LDLRAD4: variants seen among roughly 807,000 people sequenced by gnomAD.
The protein encoded by LDLRAD4 is low density lipoprotein receptor class A domain containing 4.
Under a neutral mutation model 17.0 loss-of-function variants are expected in LDLRAD4, and 5 were observed. That is an observed-to-expected ratio of 0.29 (90% CI 0.15 to 0.62). LDLRAD4 has a LOEUF of 0.62. Ranked by LOEUF, LDLRAD4 falls within the 20% of genes least tolerant of loss-of-function variation. The pLI, the probability that LDLRAD4 is intolerant of heterozygous loss-of-function variation, is 0.84. For missense variants in LDLRAD4, 340 were observed against 424.7 expected (o/e 0.80, Z 1.75); for synonymous variants, 168 against 171.8 (o/e 0.98, Z 0.17).
At chr18:13,551,639 G>A (rs2094436127) in intron 3 of LDLRAD4, among the ~76,000 whole-genome samples, 1 of 152,028 alleles carries the variant, frequency 6.6e-6, no homozygotes, top group Non-Finnish European at 1.5e-5. Flanking sequence ...GTAGGAGGGC[G>A]GCCAACAGGG....
intron 3 of LDLRAD4, among the ~76,000 whole-genome samples, chr18:13,464,408 C>T (rs980790065): frequency 3.3e-5 from 5 of 152,216 alleles, no homozygotes; most frequent in African/African-American, 1.2e-4. Flanking sequence ...TAGAATTAGG[C>T]ATTGCATATT....
At chr18:13,616,440 T>A (rs908929826) in intron 3 of LDLRAD4, among the ~76,000 whole-genome samples, 3 of 152,112 alleles carry the variant, frequency 2.0e-5, no homozygotes, top group African/African-American at 7.2e-5. Context: ...CTGAAGAGAG[T>A]ACAATGCTCA....
intron 3 of LDLRAD4, among the ~76,000 whole-genome samples, chr18:13,564,130 T>C (rs958769551): frequency 6.6e-6 from 1 of 152,244 alleles, no homozygotes; most frequent in Non-Finnish European, 1.5e-5. Flanking sequence ...AGTCTTGAAC[T>C]CCTGGCCTCC....
chr18:13,422,103 G>A (rs1007786218), intron 2 of LDLRAD4, among the ~76,000 whole-genome samples: 2 of 152,220 alleles, frequency 1.3e-5, no homozygotes, highest in Non-Finnish European at 2.9e-5. Context: ...TGAATTAATA[G>A]CAATTTTTGG....
At position 13,320,342 on chromosome 18, in the gene LDLRAD4, C is replaced by T. The variant is rs538732064; in HGVS notation, c.-383+42154C>T. Among the ~76,000 whole-genome samples, 8 of 152,294 alleles carry T rather than the reference C, an allele frequency of 5.3e-5. No homozygotes were observed. In the South Asian group the frequency reaches 1.0e-3, roughly 20 times the overall value. On this transcript the variant is annotated intron_variant, in intron 1 of 5. Transcript: ENST00000359446. ...ATCTGTTGCCTTTTCTTTATTTTTA[C>T]GTTTCCGCTGCCTCTCATCTAGGAA...
rs1327311716 is a variant in LDLRAD4, at chr18:13,621,766, GA to G, written c.336+496del. Among the ~76,000 whole-genome samples the G allele has an allele frequency of 1.3e-5, 2 of 152,098 alleles. No homozygotes were observed. The highest frequency in any genetic ancestry group is 2.9e-5 in the Non-Finnish European group (2 of 68,004). On this transcript the variant is annotated intron_variant, in intron 4 of 5. Coordinates refer to ENST00000359446, the Ensembl canonical transcript of LDLRAD4. This position sits in a 1 kb window ranked among gnomAD's most constrained non-coding sequence, Gnocchi z 5.5. ...GGACGCCTGGAGCTTAAGGCCTCGGGAGCTTCCTGGGGATCGGCGGTGGGGT... is the reference window on the plus strand; with the variant it reads ...GGACGCCTGGAGCTTAAGGCCTCGGGGCTTCCTGGGGATCGGCGGTGGGGT...
upstream of LDLRAD4, among the ~76,000 whole-genome samples, chr18:13,277,405 C>T (rs1012295211): frequency 1.2e-4 from 18 of 152,218 alleles, no homozygotes; most frequent in African/African-American, 2.4e-4. Flanking sequence ...GGATACCCGG[C>T]GCTCCACCTG....
chr18:13,287,815 ATAAT>A (rs2045718816), intron 1 of LDLRAD4, among the ~76,000 whole-genome samples: 1 of 152,230 alleles, frequency 6.6e-6, no homozygotes, highest in Non-Finnish European at 1.5e-5. Context: ...ACAATTTAGA[ATAAT>A]TAGTGGAAGA....
chr18:13,368,623 A>G (rs1262080858), intron 1 of LDLRAD4, among the ~76,000 whole-genome samples: 1 of 152,168 alleles, frequency 6.6e-6, no homozygotes, highest in East Asian at 1.9e-4. Flanking sequence ...AGGGACTCAC[A>G]GAGTGCCTCC....
At chr18:13,352,677 C>T (rs2083115043) in intron 1 of LDLRAD4, among the ~76,000 whole-genome samples, 1 of 151,522 alleles carries the variant, frequency 6.6e-6, no homozygotes, top group South Asian at 2.1e-4. Context: ...ATATCTTCCT[C>T]TTTCTCTCTT....
chr18:13,537,380 G>A (rs577201000), intron 3 of LDLRAD4, among the ~76,000 whole-genome samples: 1 of 152,250 alleles, frequency 6.6e-6, no homozygotes, highest in East Asian at 1.9e-4. Context: ...GTGTGCAGGA[G>A]GATAGTTTCA....
intron 4 of LDLRAD4, among the ~76,000 whole-genome samples, chr18:13,625,306 GC>G (rs1452260840): frequency 6.6e-6 from 1 of 152,214 alleles, no homozygotes; most frequent in Non-Finnish European, 1.5e-5. Context: ...ACGTCTTTCT[GC>G]TGGAAGCCTG....
At chr18:13,320,022 A>G (rs2081134184) in intron 1 of LDLRAD4, among the ~76,000 whole-genome samples, 2 of 152,256 alleles carry the variant, frequency 1.3e-5, no homozygotes, top group African/African-American at 2.4e-5. Context: ...ACAGAGTATA[A>G]AAAATTATGT....
intron 4 of LDLRAD4, chr18:13,642,781 A>T: frequency 8.2e-7 from 1 of 1,219,442 alleles, no homozygotes; most frequent in Non-Finnish European, 1.0e-6. Context: ...GCCATATTCC[A>T]CTTCAAATCT....
chr18:13,598,923 T>C (rs1485293398), intron 3 of LDLRAD4, among the ~76,000 whole-genome samples: 5 of 152,178 alleles, frequency 3.3e-5, no homozygotes, highest in South Asian at 4.1e-4. Context: ...TTGCCTCTCC[T>C]TACATGGAAT....
chr18:13,388,883 G>A (rs1219568419), intron 2 of LDLRAD4, among the ~76,000 whole-genome samples: 1 of 152,258 alleles, frequency 6.6e-6, no homozygotes, highest in Non-Finnish European at 1.5e-5. Context: ...TCTGTGACAT[G>A]GGGTCTCAGT....
intron 2 of LDLRAD4, among the ~76,000 whole-genome samples, chr18:13,396,479 A>C (rs1029969366): frequency 2.0e-5 from 3 of 152,172 alleles, no homozygotes; most frequent in African/African-American, 7.2e-5. Context: ...ATATTTTAAA[A>C]ATTTGTATTG....
chr18:13,243,035 G>A (rs59835474), intron 1 of LDLRAD4, among the ~76,000 whole-genome samples: 1 of 152,122 alleles, frequency 6.6e-6, no homozygotes, highest in African/African-American at 2.4e-5. Context: ...CCACATCTCA[G>A]TTCTGCAGCA....
chr18:13,352,918 G>A (rs1031584742), intron 1 of LDLRAD4, among the ~76,000 whole-genome samples: 1 of 151,916 alleles, frequency 6.6e-6, no homozygotes, highest in African/African-American at 2.4e-5. Flanking sequence ...ATTCAGTTGT[G>A]TTTTTCAGCT....
Sources: allele counts gnomAD v4.1 joint callset (sites outside exome capture counted in the v4.1 genomes callset), GRCh38; gene constraint gnomAD v4.1.1; non-coding constraint Gnocchi (gnomAD v3.1); transcripts MANE v1.5; gene names NCBI Gene and HGNC (gene_info 2026-07-23, HGNC 2026-07-21).